The following GRM7 variants were observed in gnomAD, a reference collection of about 807,000 sequenced individuals.
The protein encoded by GRM7 is glutamate metabotropic receptor 7.
A neutral mutation model predicts 84.5 loss-of-function variants in GRM7; 35 were observed. That is an observed-to-expected ratio of 0.41 (90% confidence interval 0.32 to 0.55). The LOEUF is 0.55. Among genes scored for constraint, GRM7 ranks in the 20% least tolerant of loss-of-function variants. The pLI, the probability that GRM7 is intolerant of heterozygous loss-of-function variation, is 0.19. For missense variants in GRM7, 1,003 were observed against 1,194.6 expected (o/e 0.84, Z 2.36); for synonymous variants, 487 against 455.1 (o/e 1.07, Z -0.89).
intron 1 of GRM7, among the ~76,000 whole-genome samples, chr3:6,985,121 G>A (rs1175278324): frequency 6.6e-6 from 1 of 151,978 alleles, no homozygotes; most frequent in East Asian, 1.9e-4. Flanking sequence ...ATACTTATGA[G>A]GTATGTGAGA....
intron 9 of GRM7, among the ~76,000 whole-genome samples, chr3:7,727,164 C>T (rs1702159676): frequency 6.6e-6 from 1 of 152,090 alleles, no homozygotes; most frequent in Non-Finnish European, 1.5e-5. Flanking sequence ...TCTTAATCAT[C>T]ATTATCACCT....
At position 7,229,817 on chromosome 3, in the gene GRM7, T is replaced by C. The variant is rs145306286; in HGVS notation, c.737-68867T>C. Among the ~76,000 whole-genome samples, 278 of 130,952 alleles carry C rather than the reference T, an allele frequency of 2.1e-3. 7 individuals carry two copies. The highest frequency in any genetic ancestry group is 7.6e-3 in the African/African-American group (266 of 35,178). 85.9% of individuals were successfully genotyped at this position (130,952 alleles called of 152,430 possible). The stretch of plus-strand genomic sequence containing the variant: ...TGCTTTCATATGTTTTCTGACTTTA[T>C]GGGTCAGCAATCTTCCATCTTCTTT... On this transcript the variant is annotated intron_variant, in intron 2 of 9. Transcript: ENST00000357716.
At chr3:7,351,028 G>A (rs755355112) in intron 4 of GRM7, among the ~76,000 whole-genome samples, 25 of 151,968 alleles carry the variant, frequency 1.6e-4, no homozygotes, top group Non-Finnish European at 3.1e-4. Flanking sequence ...GGCATTTGTC[G>A]AGGTTGCTAA....
At chr3:7,728,403 G>A (rs1051514660) in intron 9 of GRM7, among the ~76,000 whole-genome samples, 7 of 152,126 alleles carry the variant, frequency 4.6e-5, no homozygotes, top group African/African-American at 1.2e-4. Flanking sequence ...CATACTTGCC[G>A]ATCTCTATGC....
intron 7 of GRM7, among the ~76,000 whole-genome samples, chr3:7,469,931 C>A (rs1449970890): frequency 6.6e-6 from 1 of 152,108 alleles, no homozygotes; most frequent in South Asian, 2.1e-4. Flanking sequence ...TAATTACTTG[C>A]CAATATTTTA....
At chr3:7,536,639 T>C (rs1280275563) in intron 7 of GRM7, among the ~76,000 whole-genome samples, 1 of 152,208 alleles carries the variant, frequency 6.6e-6, no homozygotes, top group African/African-American at 2.4e-5. Context: ...TTTTCTCTCT[T>C]GGATCACTAG....
At chr3:7,545,463 T>C (rs770287869) in intron 7 of GRM7, among the ~76,000 whole-genome samples, 2 of 152,184 alleles carry the variant, frequency 1.3e-5, no homozygotes, top group Non-Finnish European at 2.9e-5. Flanking sequence ...TCTGTCTCAT[T>C]ACAGTGATTT....
chr3:7,335,552 C>CA (rs1020669698), intron 4 of GRM7, among the ~76,000 whole-genome samples: 1 of 151,660 alleles, frequency 6.6e-6, no homozygotes, highest in Non-Finnish European at 1.5e-5. Flanking sequence ...AAAGAAACAA[C>CA]AAAGATCAGA....
At chr3:7,566,618 G>C (rs1041556054) in intron 7 of GRM7, among the ~76,000 whole-genome samples, 2 of 151,524 alleles carry the variant, frequency 1.3e-5, no homozygotes, top group African/African-American at 4.9e-5. Context: ...TTTTCTACTG[G>C]CAGAACTATT....
intron 1 of GRM7, among the ~76,000 whole-genome samples, chr3:7,129,983 T>C (rs889012646): frequency 6.6e-6 from 1 of 152,204 alleles, no homozygotes; most frequent in Admixed American, 6.5e-5. Context: ...GAAACATCAC[T>C]ACACGACCTA....
chr3:7,083,486 A>T (rs547551873), intron 1 of GRM7, among the ~76,000 whole-genome samples: 2 of 152,244 alleles, frequency 1.3e-5, no homozygotes, highest in African/African-American at 4.8e-5. Context: ...CCAATTCTAC[A>T]ATATCTCCTA....
chr3:7,685,767 A>G (rs1178004262), intron 9 of GRM7, among the ~76,000 whole-genome samples: 1 of 151,730 alleles, frequency 6.6e-6, no homozygotes, highest in Non-Finnish European at 1.5e-5. Context: ...TAGGACTGTC[A>G]ATATAAGGAG....
At chr3:7,212,839 G>T (rs1696475606) in intron 2 of GRM7, among the ~76,000 whole-genome samples, 1 of 152,282 alleles carries the variant, frequency 6.6e-6, no homozygotes, top group East Asian at 1.9e-4. Flanking sequence ...CTCATCACCT[G>T]TCAGGCATTG....
chr3:7,661,794 CAAA>C (rs71043686), intron 8 of GRM7, among the ~76,000 whole-genome samples: 27 of 28,200 alleles, frequency 9.6e-4, no homozygotes, highest in Admixed American at 2.8e-3. Context: ...GTCTCCGTCT[CAAA>C]AAAAAAAAAA....
At chr3:7,631,838 C>T (rs1697872490) in intron 8 of GRM7, among the ~76,000 whole-genome samples, 1 of 152,080 alleles carries the variant, frequency 6.6e-6, no homozygotes, top group Non-Finnish European at 1.5e-5. Context: ...GGCCGTAATA[C>T]AGAGAAACTA....
rs897039938 is a variant in GRM7 at position 7,138,193 on chromosome 3, C to T, written c.520-8259C>T. Among the ~76,000 whole-genome samples the T allele has an allele frequency of 2.1e-4, 32 of 151,940 alleles. 3 individuals carry two copies. Among genetic ancestry groups the T allele is most frequent in the Admixed American group, 1.3e-3 (20 of 15,222 alleles). ...AAAAAACAAAATCAAAGTCCTAGCCCATAACAGATAATATATATTAAGTAG... is the reference window on the plus strand; with the variant it reads ...AAAAAACAAAATCAAAGTCCTAGCCTATAACAGATAATATATATTAAGTAG... On this transcript the variant is annotated intron_variant, in intron 1 of 9. Coordinates refer to ENST00000357716, the MANE Select transcript of GRM7 (RefSeq NM_000844.4).
intron 7 of GRM7, among the ~76,000 whole-genome samples, chr3:7,513,415 T>C (rs1011442176): frequency 2.0e-5 from 3 of 152,204 alleles, no homozygotes; most frequent in Non-Finnish European, 4.4e-5. Context: ...TTCTGTTTTT[T>C]TCTTTTCTAT....
chr3:7,476,827 A>G (rs557313360), intron 7 of GRM7, among the ~76,000 whole-genome samples: 2 of 152,230 alleles, frequency 1.3e-5, no homozygotes, highest in East Asian at 1.9e-4. Flanking sequence ...AATCTGTCAC[A>G]TTCTGTCTGA....
intron 1 of GRM7, among the ~76,000 whole-genome samples, chr3:6,972,118 A>G (rs1289284087): frequency 2.0e-5 from 3 of 152,176 alleles, no homozygotes; most frequent in Non-Finnish European, 2.9e-5. Flanking sequence ...TTAAATATGT[A>G]AAAAGGGGAT....
Sources: gnomAD v4.1 joint callset for allele counts (sites outside exome capture counted in the v4.1 genomes callset) on GRCh38, gnomAD v4.1.1 for gene constraint, MANE v1.5 for transcripts, NCBI Gene and HGNC (gene_info 2026-07-23, HGNC 2026-07-21) for gene names.